The following ACBD6 variants were observed in gnomAD, a reference collection of about 807,000 sequenced individuals.
ACBD6 encodes acyl-CoA-binding domain-containing protein 6.
ACBD6 carries 28 observed loss-of-function variants against 37.2 expected under a neutral mutation model. The ratio of observed to expected loss-of-function variants is 0.75; its 90% CI spans 0.56 to 1.03. The LOEUF is 1.03. Among genes scored for constraint, ACBD6 ranks in the 50% least tolerant of loss-of-function variants. ACBD6 has a pLI of 0.00. For synonymous variants in ACBD6, 113 were observed against 126.8 expected (o/e 0.89, Z 0.73); for missense variants, 340 against 337.4 (o/e 1.01, Z -0.06).
intron 7 of ACBD6, among the ~76,000 whole-genome samples, chr1:180,295,568 T>TC (rs1472191949): frequency 2.0e-5 from 3 of 152,156 alleles, no homozygotes; most frequent in Non-Finnish European, 4.4e-5. Context: ...AGCAAGTCTA[T>TC]CGGTGCCATT....
intron 8 of ACBD6, among the ~76,000 whole-genome samples, chr1:180,281,706 C>A (rs560017150): frequency 6.6e-6 from 1 of 152,052 alleles, no homozygotes; most frequent in South Asian, 2.1e-4. Flanking sequence ...CTCATGACTG[C>A]CACAGGGAAG....
At chr1:180,492,775 G>A (rs1651558904) in intron 2 of ACBD6, among the ~76,000 whole-genome samples, 1 of 152,120 alleles carries the variant, frequency 6.6e-6, no homozygotes, top group Non-Finnish European at 1.5e-5. Context: ...TGGCATTTTG[G>A]TCGTACAGAA....
intron 7 of ACBD6, among the ~76,000 whole-genome samples, chr1:180,310,861 T>C (rs1187105134): frequency 6.6e-6 from 1 of 152,232 alleles, no homozygotes; most frequent in Non-Finnish European, 1.5e-5. Flanking sequence ...CTGATCGGTA[T>C]GAAGTTGTAT....
chr1:180,321,901 T>C (rs1651087264), intron 6 of ACBD6, among the ~76,000 whole-genome samples: 1 of 152,154 alleles, frequency 6.6e-6, no homozygotes, highest in Non-Finnish European at 1.5e-5. Flanking sequence ...AGGTCTTCCA[T>C]TATCATGTTG....
intron 4 of ACBD6, among the ~76,000 whole-genome samples, chr1:180,422,712 G>A (rs1168640043): frequency 6.6e-6 from 1 of 152,082 alleles, no homozygotes; most frequent in Non-Finnish European, 1.5e-5. Flanking sequence ...GTTATTCAAG[G>A]TTTAGAGTAT....
intron 4 of ACBD6, among the ~76,000 whole-genome samples, chr1:180,424,299 G>C (rs1442226267): frequency 6.6e-6 from 1 of 152,124 alleles, no homozygotes; most frequent in East Asian, 1.9e-4. Context: ...AATACATATA[G>C]TATGGTTACT....
intron 7 of ACBD6, among the ~76,000 whole-genome samples, chr1:180,297,668 G>A (rs77579533): frequency 0.011 from 1,742 of 152,236 alleles, 39 homozygotes; most frequent in African/African-American, 0.039. Context: ...TACCAAGGCC[G>A]AGGATTCAAG....
chr1:180,486,994 C>T (rs762381742), intron 3 of ACBD6, among the ~76,000 whole-genome samples: 6 of 151,840 alleles, frequency 4.0e-5, no homozygotes, highest in Non-Finnish European at 8.8e-5. Flanking sequence ...GGTCTGTAAT[C>T]TGCAAAAGTA....
intron 3 of ACBD6, among the ~76,000 whole-genome samples, chr1:180,433,574 C>CTGTGTGTGTG (rs61101474): frequency 2.0e-5 from 3 of 149,828 alleles, no homozygotes; most frequent in Admixed American, 6.6e-5. Flanking sequence ...TGGTGTTATG[C>CTGTGTGTGTG]TGTGTGTGTG....
chr1:180,466,628 A>C (rs1650357308), intron 3 of ACBD6, among the ~76,000 whole-genome samples: 1 of 152,214 alleles, frequency 6.6e-6, no homozygotes, highest in South Asian at 2.1e-4. Flanking sequence ...TATTAAAACA[A>C]TTGGGATAAA....
At chr1:180,349,285 C>T (rs1336688318) in intron 6 of ACBD6, among the ~76,000 whole-genome samples, 2 of 146,316 alleles carry the variant, frequency 1.4e-5, no homozygotes, top group African/African-American at 5.0e-5. Flanking sequence ...TTTTTGGAAA[C>T]GTCTCGCTCT....
intron 3 of ACBD6, among the ~76,000 whole-genome samples, chr1:180,491,009 G>A (rs990624201): frequency 2.0e-5 from 3 of 148,950 alleles, no homozygotes; most frequent in Non-Finnish European, 4.4e-5. Context: ...CTTCTAAAAG[G>A]CAGTCATATC....
At chr1:180,295,613 G>C (rs1390071686) in intron 7 of ACBD6, among the ~76,000 whole-genome samples, 3 of 151,634 alleles carry the variant, frequency 2.0e-5, no homozygotes, top group Non-Finnish European at 4.4e-5. Flanking sequence ...GTGTCTCTGT[G>C]TCACACTGTG....
At chr1:180,343,378 A>G (rs544183136) in intron 6 of ACBD6, among the ~76,000 whole-genome samples, 2 of 152,346 alleles carry the variant, frequency 1.3e-5, no homozygotes, top group South Asian at 4.1e-4. Flanking sequence ...CAGATTCTCA[A>G]ACAAGGAAAG....
At chr1:180,411,547 G>A (rs1182467617) in intron 5 of ACBD6, among the ~76,000 whole-genome samples, 1 of 152,196 alleles carries the variant, frequency 6.6e-6, no homozygotes, top group African/African-American at 2.4e-5. Flanking sequence ...CTGAAGCCAA[G>A]TCTGATGATT....
intron 6 of ACBD6, among the ~76,000 whole-genome samples, chr1:180,337,872 C>T (rs1383216953): frequency 6.6e-6 from 1 of 151,762 alleles, no homozygotes; most frequent in Non-Finnish European, 1.5e-5. Flanking sequence ...AGACAAACAG[C>T]CAAATCATGA....
intron 3 of ACBD6, among the ~76,000 whole-genome samples, chr1:180,431,125 T>G (rs1648794893): frequency 6.6e-6 from 1 of 152,112 alleles, no homozygotes; most frequent in Admixed American, 6.6e-5. Flanking sequence ...CCCATACACA[T>G]TTTTTCAGTA....
chr1:180,273,860 A>G (rs1648841297), intron 11 of ACBD6: 2 of 372,950 alleles, frequency 5.4e-6, no homozygotes, highest in East Asian at 1.2e-4. Context: ...CATCTGACCC[A>G]CCCAGCCTTA....
intron 3 of ACBD6, among the ~76,000 whole-genome samples, chr1:180,490,239 G>A (rs1028901850): frequency 1.7e-4 from 26 of 152,164 alleles, no homozygotes; most frequent in Non-Finnish European, 1.5e-4. Flanking sequence ...CCTGTTTTGA[G>A]CACTGATTTT....
Sources: gnomAD v4.1 joint callset for allele counts (sites outside exome capture counted in the v4.1 genomes callset) on GRCh38, gnomAD v4.1.1 for gene constraint, MANE v1.5 for transcripts, NCBI Gene and HGNC (gene_info 2026-07-23, HGNC 2026-07-21) for gene names.